Variants in NAALADL2 observed in about 807,000 individuals in gnomAD.
NAALADL2 encodes the protein N-acetylated alpha-linked acidic dipeptidase like 2, also known as inactive N-acetylated-alpha-linked acidic dipeptidase-like protein 2.
In NAALADL2, 76 loss-of-function variants were observed where a neutral mutation model predicts 87.2. The ratio of observed to expected loss-of-function variants is 0.87; its 90% confidence interval spans 0.72 to 1.05. NAALADL2 has a LOEUF of 1.05. Among genes scored for constraint, NAALADL2 ranks in the 50% least tolerant of loss-of-function variants. NAALADL2 has a pLI of 0.00. For synonymous variants in NAALADL2, 354 were observed against 331.0 expected, an observed-to-expected ratio of 1.07 and a Z score of -0.75; for missense variants, 1,089 against 945.8, an observed-to-expected ratio of 1.15 and a Z score of -1.99.
intron 3 of NAALADL2, among the ~76,000 whole-genome samples, chr3:174,820,720 A>G (rs533461722): frequency 1.8e-4 from 27 of 152,324 alleles, no homozygotes; most frequent in African/African-American, 6.3e-4. Flanking sequence ...AAGAAATCTA[A>G]GAATATGCAG....
Position 174,678,112 on chromosome 3 carries a change from A to C in NAALADL2, c.-114-59529A>C, listed in dbSNP as rs530288386. On this transcript the variant is annotated intron_variant, in intron 2 of 3. Coordinates refer to the NAALADL2 transcript ENST00000434257. The stretch of plus-strand genomic sequence containing the variant: ...AATTTTAGTGAGTAGGCAAATTCAC[A>C]AGGACAGGCCATGAATAATGAGGAT... 3.2e-4 allele frequency among the ~76,000 whole-genome samples: 49 copies of C among 152,236 alleles called. No individual in the cohort carries two copies. The South Asian group carries it at 0.01, about 32-fold the overall frequency.
intron 1 of NAALADL2, among the ~76,000 whole-genome samples, chr3:174,538,237 C>T (rs1721903397): frequency 6.6e-6 from 1 of 152,088 alleles, no homozygotes; most frequent in South Asian, 2.1e-4. Context: ...AATTCTAAGT[C>T]CCCAGCCAAT....
chr3:174,691,905 C>T (rs1001909926), intron 2 of NAALADL2: 2 of 152,186 alleles, frequency 1.3e-5, no homozygotes, highest in African/African-American at 4.8e-5. Flanking sequence ...TAGATTGCAG[C>T]AATTCAGTCA....
rs1251459886 is a variant in NAALADL2, at chr3:175,133,168, G to C, written c.545+35877G>C. On this transcript the variant is annotated intron_variant, in intron 2 of 13. Coordinates refer to ENST00000454872, the MANE Select transcript of NAALADL2 (RefSeq NM_207015.3). ...TCCTCACTTCCTAGATGGGATGGCC[G>C]CCGGGAAGAGGCGCTCCTCACTTCC... Among the ~76,000 whole-genome samples the C allele has an allele frequency of 3.7e-4, 56 of 151,724 alleles. 2 individuals are homozygous for C. The highest frequency in any genetic ancestry group is 3.7e-3 in the Admixed American group (56 of 15,244).
chr3:175,793,169 C>A (rs1753003333), intron 13 of NAALADL2, among the ~76,000 whole-genome samples: 1 of 152,146 alleles, frequency 6.6e-6, no homozygotes, highest in African/African-American at 2.4e-5. Flanking sequence ...ACCTCTGGAA[C>A]TTTTCTCCTA....
chr3:174,847,727 G>A (rs1179375394), intron 3 of NAALADL2, among the ~76,000 whole-genome samples: 1 of 151,878 alleles, frequency 6.6e-6, no homozygotes, highest in East Asian at 1.9e-4. Context: ...TTTAAACAAC[G>A]GGTGTAGAAC....
intron 2 of NAALADL2, among the ~76,000 whole-genome samples, chr3:174,632,404 C>T (rs1458691008): frequency 6.6e-6 from 1 of 151,820 alleles, no homozygotes; most frequent in African/African-American, 2.4e-5. Context: ...GGGAAATAGG[C>T]AATAAACAAA....
intron 1 of NAALADL2, among the ~76,000 whole-genome samples, chr3:174,531,993 G>A (rs1721277960): frequency 6.6e-6 from 1 of 152,140 alleles, no homozygotes; most frequent in Non-Finnish European, 1.5e-5. Flanking sequence ...TTAGACTAAT[G>A]AAATAAAATA....
chr3:175,309,228 C>T (rs1041897610), intron 4 of NAALADL2, among the ~76,000 whole-genome samples: 11 of 151,720 alleles, frequency 7.3e-5, no homozygotes, highest in Non-Finnish European at 1.0e-4. Context: ...TCTTGTCATC[C>T]AGGCCGGTGT....
chr3:174,873,638 C>T (rs899404793), intron 1 of NAALADL2, among the ~76,000 whole-genome samples: 3 of 152,070 alleles, frequency 2.0e-5, no homozygotes, highest in South Asian at 4.1e-4. Context: ...TTTGAACATA[C>T]ATCAGTCATG....
intron 11 of NAALADL2, among the ~76,000 whole-genome samples, chr3:175,730,408 A>C (rs1157587314): frequency 1.3e-5 from 1 of 74,198 alleles, no homozygotes; most frequent in African/African-American, 6.9e-5. Flanking sequence ...ATATATATAT[A>C]TATATATATA....
intron 13 of NAALADL2, 108 bp downstream of exon 13, chr3:175,755,526 T>A: frequency 1.4e-6 from 1 of 733,912 alleles, no homozygotes; most frequent in Non-Finnish European, 2.0e-6. Context: ...TAAAAGAAAT[T>A]ATAAAGCAGT....
At chr3:174,461,292 T>A (rs1716199983) in intron 1 of NAALADL2, among the ~76,000 whole-genome samples, 1 of 152,142 alleles carries the variant, frequency 6.6e-6, no homozygotes, top group South Asian at 2.1e-4. Flanking sequence ...GTATAATTTA[T>A]TTGTTTTATT....
intron 11 of NAALADL2, among the ~76,000 whole-genome samples, chr3:175,716,380 T>C (rs1162978105): frequency 6.7e-6 from 1 of 148,666 alleles, no homozygotes; most frequent in African/African-American, 2.5e-5. Context: ...TGTATACATA[T>C]ACACACACAC....
chr3:175,286,670 G>T (rs1280382327), intron 4 of NAALADL2, among the ~76,000 whole-genome samples: 1 of 151,906 alleles, frequency 6.6e-6, no homozygotes, highest in Admixed American at 6.6e-5. Context: ...TTATTTTTAT[G>T]GCTTTTTAAT....
At chr3:175,722,935 TAGTGTTTCTAATTTTCCTGA>T (rs1742437340) in intron 11 of NAALADL2, among the ~76,000 whole-genome samples, 1 of 152,130 alleles carries the variant, frequency 6.6e-6, no homozygotes, top group African/African-American at 2.4e-5. Flanking sequence ...ATGCACAGTG[TAGTGTTTCTAATTTTCCTGA>T]GGATCTAAAC....
At chr3:174,884,251 C>CG (rs1729785636) in intron 1 of NAALADL2, among the ~76,000 whole-genome samples, 2 of 152,234 alleles carry the variant, frequency 1.3e-5, no homozygotes, top group East Asian at 3.9e-4. Context: ...AACCCATGAA[C>CG]CCTGGCCATG....
chr3:175,474,252 C>T (rs1460625876), intron 9 of NAALADL2, among the ~76,000 whole-genome samples: 2 of 152,048 alleles, frequency 1.3e-5, no homozygotes, highest in Non-Finnish European at 2.9e-5. Context: ...AAGATTTCAT[C>T]AAGTTCATAT....
At chr3:175,481,230 A>G (rs1057357898) in intron 9 of NAALADL2, among the ~76,000 whole-genome samples, 2 of 151,782 alleles carry the variant, frequency 1.3e-5, no homozygotes, top group African/African-American at 4.8e-5. Flanking sequence ...TGGCCAATTA[A>G]TGTATGTGTA....
Sources: allele counts gnomAD v4.1 joint callset (sites outside exome capture counted in the v4.1 genomes callset), GRCh38; gene constraint gnomAD v4.1.1; transcripts MANE v1.5; gene names NCBI Gene and HGNC (gene_info 2026-07-23, HGNC 2026-07-21).